ZBTB7C: variants seen among roughly 807,000 people sequenced by gnomAD.
The protein encoded by ZBTB7C is zinc finger and BTB domain-containing protein 7C.
ZBTB7C carries 8 observed loss-of-function variants against 25.7 expected under a neutral mutation model. The ratio of observed to expected loss-of-function variants is 0.31; its 90% CI spans 0.18 to 0.56. The LOEUF (loss-of-function observed/expected upper bound fraction) is 0.56. ZBTB7C is among the 20% of genes least tolerant of loss of function. ZBTB7C has a pLI of 0.91. For synonymous variants in ZBTB7C, 394 were observed against 369.0 expected, an observed-to-expected ratio of 1.07 and a Z score of -0.78; for missense variants, 824 against 855.2, an observed-to-expected ratio of 0.96 and a Z score of 0.46.
chr18:48,202,418 G>A (rs1462790327), intron 2 of ZBTB7C, among the ~76,000 whole-genome samples: 5 of 137,360 alleles, frequency 3.6e-5, no homozygotes, highest in Non-Finnish European at 7.6e-5. Context: ...CCAGGTGAGA[G>A]AAAGTGAAGC....
chr18:48,238,624 C>T (rs1003207253), intron 2 of ZBTB7C, among the ~76,000 whole-genome samples: 8 of 152,260 alleles, frequency 5.3e-5, no homozygotes, highest in Non-Finnish European at 8.8e-5. Context: ...TCTCTGTAGG[C>T]GCTCCTGGTC....
chr18:48,406,639 C>G (rs2070062630), intron 1 of ZBTB7C, among the ~76,000 whole-genome samples: 1 of 152,196 alleles, frequency 6.6e-6, no homozygotes, highest in African/African-American at 2.4e-5. Context: ...TAAGGGGGCA[C>G]TGATTTCTAT....
At chr18:48,211,584 T>A (rs1047686909) in intron 2 of ZBTB7C, among the ~76,000 whole-genome samples, 1 of 152,176 alleles carries the variant, frequency 6.6e-6, no homozygotes, top group Non-Finnish European at 1.5e-5. Context: ...ATGAAAAATG[T>A]TCAACATCAA....
chr18:48,051,213 G>T (rs2036673412), intron 3 of ZBTB7C, among the ~76,000 whole-genome samples: 1 of 152,340 alleles, frequency 6.6e-6, no homozygotes, highest in Non-Finnish European at 1.5e-5. Context: ...AAAAGCCAGG[G>T]TGCGCTTCTC....
intron 3 of ZBTB7C, among the ~76,000 whole-genome samples, chr18:48,117,577 C>T (rs1020019357): frequency 6.6e-6 from 1 of 152,140 alleles, no homozygotes; most frequent in Admixed American, 6.5e-5. Flanking sequence ...ATAAACAGAC[C>T]TTCACTGGAT....
chr18:48,285,694 T>C (rs2045024944), intron 2 of ZBTB7C, among the ~76,000 whole-genome samples: 1 of 152,216 alleles, frequency 6.6e-6, no homozygotes, highest in African/African-American at 2.4e-5. Context: ...ATGTGATTCT[T>C]ACAAACGGCA....
At chr18:48,282,799 A>G in intron 2 of ZBTB7C, among the ~76,000 whole-genome samples, 1 of 152,254 alleles carries the variant, frequency 6.6e-6, no homozygotes, top group East Asian at 1.9e-4. Context: ...GTTCAAACAC[A>G]GGCAAGATTA....
chr18:48,160,220 GC>G lies in ZBTB7C; in HGVS notation c.-17+25713del, dbSNP rs142335311. Among the ~76,000 whole-genome samples the G allele has an allele frequency of 5.2e-3, 786 of 152,318 alleles. 5 individuals are homozygous for G. Among genetic ancestry groups the G allele is most frequent in the African/African-American group, 0.018 (755 of 41,556 alleles). On this transcript the variant is annotated intron_variant, in intron 3 of 4. Coordinates refer to ENST00000590800, the MANE Select transcript of ZBTB7C (RefSeq NM_001318841.2). ...TCGCTAGCACACTCAGTGACAAGGA[GC>G]TAGAATCCCAAGCACTGTGGAAGCC...
chr18:48,229,613 G>A (rs1244618954), intron 2 of ZBTB7C, among the ~76,000 whole-genome samples: 2 of 152,154 alleles, frequency 1.3e-5, no homozygotes, highest in Non-Finnish European at 1.5e-5. Context: ...GATAGAGATC[G>A]CTTAATAATT....
In ZBTB7C at chr18:48,158,802, C is replaced by T. The variant is rs140133419; in HGVS notation, c.-17+27132G>A. Among the ~76,000 whole-genome samples the T allele has an allele frequency of 5.4e-3, 828 of 152,294 alleles. 9 individuals carry two copies. Among genetic ancestry groups the T allele is most frequent in the African/African-American group, 0.018 (751 of 41,558 alleles). On this transcript the variant is annotated intron_variant, in intron 3 of 4. Coordinates refer to ENST00000590800, the MANE Select transcript of ZBTB7C (RefSeq NM_001318841.2). ...TCAGGCATGGCCTTCTTCACCTCAC[C>T]GCCCTGTCCATCCATCTCGAGGTTT...
intron 3 of ZBTB7C, among the ~76,000 whole-genome samples, chr18:48,131,297 T>G (rs1598937065): frequency 6.6e-6 from 1 of 152,246 alleles, no homozygotes; most frequent in East Asian, 1.9e-4. Flanking sequence ...AAGAGTCCAT[T>G]CATAGCAGAG....
At chr18:48,363,514 C>T (rs2047158216) in intron 1 of ZBTB7C, among the ~76,000 whole-genome samples, 1 of 152,094 alleles carries the variant, frequency 6.6e-6, no homozygotes, top group Non-Finnish European at 1.5e-5. Flanking sequence ...GAACCTTTGG[C>T]TCTATCTCCA....
At position 48,040,139 on chromosome 18, in the gene ZBTB7C, T is replaced by TCCCAGA; in HGVS notation, c.963_968dup (p.Leu322_Gly323dup). 6.3e-7 allele frequency: 1 copy of TCCCAGA among 1,585,046 alleles called. No individual in the cohort carries two copies. The highest frequency in any genetic ancestry group is 8.6e-7 in the Non-Finnish European group (1 of 1,165,434). The stretch of plus-strand genomic sequence containing the variant: ...CGTAGTCGTTCTCCGCCTTGATGGG[T>TCCCAGA]CCCAGAGGCCCCCCCGGCAGGTCAG... On this transcript the variant is annotated inframe_insertion, in exon 4 of 5. Transcript: ENST00000590800.
At chr18:48,209,599 A>G (rs1311086496) in intron 2 of ZBTB7C, among the ~76,000 whole-genome samples, 4 of 152,102 alleles carry the variant, frequency 2.6e-5, no homozygotes, top group South Asian at 4.2e-4. Flanking sequence ...ACAAAAAATA[A>G]AAAACAATTA....
rs148520954 is a variant in ZBTB7C at position 48,329,388 on chromosome 18, C to T, written c.-79+8786G>A. Among the ~76,000 whole-genome samples the T allele has an allele frequency of 6.6e-4, 101 of 152,306 alleles. No homozygotes were observed. In the East Asian group the frequency reaches 0.018, roughly 27 times the overall value. ...AAGTGATTAGTGACATGTTCAGGGG[C>T]GTGCAAAGCTGACAGGCAGAGCTAG... On this transcript the variant is annotated intron_variant, in intron 2 of 4. Transcript: ENST00000590800.
At chr18:48,091,914 C>A (rs766239272) in intron 3 of ZBTB7C, among the ~76,000 whole-genome samples, 4 of 152,214 alleles carry the variant, frequency 2.6e-5, no homozygotes, top group Non-Finnish European at 2.9e-5. Context: ...TAGGCCAGTG[C>A]TTCTCTTCAC....
At chr18:48,168,372 C>T (rs1224386675) in intron 3 of ZBTB7C, among the ~76,000 whole-genome samples, 1 of 152,056 alleles carries the variant, frequency 6.6e-6, no homozygotes, top group Non-Finnish European at 1.5e-5. Flanking sequence ...TGAAACAAAC[C>T]CCACAAGTTA....
intron 2 of ZBTB7C, among the ~76,000 whole-genome samples, chr18:48,323,083 A>G (rs146381950): frequency 6.6e-5 from 10 of 152,330 alleles, no homozygotes; most frequent in Non-Finnish European, 1.5e-4. Context: ...AACACTACAA[A>G]TTGGGTTCAG....
At chr18:48,356,405 C>T (rs769747615) in intron 1 of ZBTB7C, among the ~76,000 whole-genome samples, 2 of 152,216 alleles carry the variant, frequency 1.3e-5, no homozygotes, top group Non-Finnish European at 2.9e-5. Context: ...TGGGTGGTTA[C>T]ATTATTCAGC....
Sources: gnomAD v4.1 joint callset for allele counts (sites outside exome capture counted in the v4.1 genomes callset) on GRCh38, gnomAD v4.1.1 for gene constraint, MANE v1.5 for transcripts, NCBI Gene and HGNC (gene_info 2026-07-23, HGNC 2026-07-21) for gene names.